The following EFCAB5 variants were observed in gnomAD, a reference collection of about 807,000 sequenced individuals.
EFCAB5 encodes the protein EF-hand calcium-binding domain-containing protein 5.
A neutral mutation model predicts 167.9 loss-of-function variants in EFCAB5; 131 were observed. That is an observed-to-expected ratio of 0.78 (90% CI 0.68 to 0.90). The LOEUF is 0.90. Among genes scored for constraint, EFCAB5 ranks in the 40% least tolerant of loss-of-function variants. The probability of loss-of-function intolerance (pLI) is 0.00; values close to 1 mark genes in which losing one functional copy is unlikely to be tolerated. For synonymous variants in EFCAB5, 574 were observed against 602.8 expected (o/e 0.95, Z 0.70); for missense variants, 1,663 against 1,745.2 (o/e 0.95, Z 0.84).
At chr17:30,000,666 G>A (rs2068642519) in intron 7 of EFCAB5, among the ~76,000 whole-genome samples, 2 of 152,070 alleles carry the variant, frequency 1.3e-5, no homozygotes, top group Admixed American at 1.3e-4. Flanking sequence ...CACGATTGAA[G>A]GTGAAGATTA....
At chr17:30,046,392 T>G (rs1295342734) in intron 8 of EFCAB5, among the ~76,000 whole-genome samples, 1 of 152,166 alleles carries the variant, frequency 6.6e-6, no homozygotes, top group Non-Finnish European at 1.5e-5. Context: ...TCTCACAGTA[T>G]TAGAGAGGTT....
At chr17:29,969,431 A>G in intron 4 of EFCAB5, 64 bp downstream of exon 4, 1 of 1,351,900 alleles carries the variant, frequency 7.4e-7, no homozygotes, top group Non-Finnish European at 9.9e-7. Flanking sequence ...AGTAGAAAAA[A>G]TAACATAATC....
chr17:30,018,483 C>T (rs1478080192), intron 7 of EFCAB5, among the ~76,000 whole-genome samples: 1 of 151,662 alleles, frequency 6.6e-6, no homozygotes, highest in Non-Finnish European at 1.5e-5. Context: ...ATTTCAGGAA[C>T]ATTTTCTCAT....
At position 30,024,721 on chromosome 17, in the gene EFCAB5, G is replaced by A. The variant is rs1457632498; in HGVS notation, c.1045-9509G>A. On this transcript the variant is annotated intron_variant, in intron 7 of 22. Transcript: ENST00000394835. ...ATGGAACCAAAAAAGAGCCCGCATC[G>A]CCAAGTCAATCCTAAGCCAAAAGAA... 7.9e-5 allele frequency among the ~76,000 whole-genome samples: 12 copies of A among 151,792 alleles called. No homozygotes were observed. In the East Asian group the frequency reaches 1.4e-3, roughly 17 times the overall value.
intron 6 of EFCAB5, among the ~76,000 whole-genome samples, chr17:29,999,308 G>GTA (rs141152481): frequency 0.035 from 5,361 of 151,722 alleles, 134 homozygotes; most frequent in Middle Eastern, 0.068. Context: ...AGGTACATGT[G>GTA]TATATATATA....
intron 12 of EFCAB5, 53 bp from the exon 13 acceptor site, chr17:30,057,623 C>G (rs2070307802): frequency 6.6e-7 from 1 of 1,505,068 alleles, no homozygotes; most frequent in African/African-American, 1.4e-5. Context: ...TTTATTTTCC[C>G]TAACTGAAAA....
chr17:30,035,858 A>G (rs2069600523), intron 8 of EFCAB5, among the ~76,000 whole-genome samples: 2 of 151,890 alleles, frequency 1.3e-5, no homozygotes, highest in Non-Finnish European at 2.9e-5. Context: ...AAGTATCTTT[A>G]ACTTAGTCAA....
At chr17:29,977,124 G>T (rs994703937) in intron 4 of EFCAB5, among the ~76,000 whole-genome samples, 1 of 151,964 alleles carries the variant, frequency 6.6e-6, no homozygotes, top group Non-Finnish European at 1.5e-5. Flanking sequence ...TTTGTAAAAA[G>T]TATCTTTTCC....
intron 2 of EFCAB5, among the ~76,000 whole-genome samples, chr17:29,943,282 A>G (rs2067329697): frequency 6.6e-6 from 1 of 152,184 alleles, no homozygotes; most frequent in South Asian, 2.1e-4. Context: ...ATAATTCAAG[A>G]ATTAATGTAC....
upstream of EFCAB5, among the ~76,000 whole-genome samples, chr17:29,937,195 A>C (rs1283927873): frequency 2.7e-5 from 4 of 150,844 alleles, no homozygotes; most frequent in Admixed American, 6.6e-5. Flanking sequence ...CTGCTTCTTT[A>C]TTTATTTATT....
At chr17:29,945,325 T>TC (rs2067376860) in intron 3 of EFCAB5, among the ~76,000 whole-genome samples, 1 of 151,766 alleles carries the variant, frequency 6.6e-6, no homozygotes. Flanking sequence ...TTTTTTTTTT[T>TC]CCCCAAAGTG....
chr17:29,936,600 G>C (rs1291605617), intron 1 of EFCAB5, among the ~76,000 whole-genome samples: 2 of 152,114 alleles, frequency 1.3e-5, no homozygotes, highest in Non-Finnish European at 2.9e-5. Flanking sequence ...TGATTTTCAG[G>C]GTCTCAGCTT....
chr17:30,099,151 T>C (rs2071346123), intron 22 of EFCAB5, among the ~76,000 whole-genome samples: 1 of 152,262 alleles, frequency 6.6e-6, no homozygotes, highest in African/African-American at 2.4e-5. Flanking sequence ...TTCAGCTCTC[T>C]TGTATACATA....
At position 30,082,987 on chromosome 17, in the gene EFCAB5, G is replaced by A. The variant is rs777618059; in HGVS notation, c.3523G>A (p.Val1175Ile). The A allele has an allele frequency of 8.1e-6, 13 of 1,613,856 alleles. No individual in the cohort carries two copies. Among genetic ancestry groups the A allele is most frequent in the East Asian group, 4.5e-5 (2 of 44,896 alleles). Reference protein sequence around the residue: ...VITGIGWLYDVTSSITSITTY... With the variant: ...VITGIGWLYDITSSITSITTY... ...CACTGGCATAGGCTGGCTTTATGAC[G>A]TCACATCCAGCATCACCTCCATCAC... Residue 1175 changes from valine (V) to isoleucine (I), a missense_variant, in exon 18 of 23, where the codon GTC becomes ATC. Physicochemically the swap from Val to Ile is conservative, Grantham distance 29 (BLOSUM62 3). Transcript: ENST00000394835.
At chr17:29,967,960 G>T (rs1225859355) in intron 3 of EFCAB5, among the ~76,000 whole-genome samples, 1 of 145,498 alleles carries the variant, frequency 6.9e-6, no homozygotes, top group Non-Finnish European at 1.5e-5. Context: ...CTGCAGCCTC[G>T]ACCTCCAGGG....
intron 7 of EFCAB5, among the ~76,000 whole-genome samples, chr17:30,018,112 C>CT (rs1048722200): frequency 6.0e-5 from 9 of 150,596 alleles, no homozygotes; most frequent in African/African-American, 9.7e-5. Context: ...AATTGGGTCA[C>CT]TTTTTTTTTC....
chr17:29,996,320 T>C lies in EFCAB5; in HGVS notation c.933T>C (p.Asn311=). 6.4e-7 allele frequency: 1 copy of C among 1,550,754 alleles called. No homozygotes were observed. The highest frequency in any genetic ancestry group is 8.7e-7 in the Non-Finnish European group (1 of 1,146,730). ...CCTCTTTTGAGTTGCAGATTCAGAA[T>C]GTTCTTCAAGAATTCTTTCAAAATC... ...KGMIPKSVIQ[N]VLQEFFQNPD... is the part of the protein sequence containing the mutation. The change falls in exon 6 of 23, where the codon AAT becomes AAC. Residue 311 remains asparagine (N), a synonymous_variant. Transcript: ENST00000394835.
intron 3 of EFCAB5, among the ~76,000 whole-genome samples, chr17:29,944,208 T>C (rs1227780944): frequency 2.0e-5 from 3 of 152,072 alleles, no homozygotes; most frequent in Non-Finnish European, 4.4e-5. Flanking sequence ...CCAGAGTTGC[T>C]GGGACTATGG....
At chr17:30,099,460 G>A (rs2071351410) in intron 22 of EFCAB5, among the ~76,000 whole-genome samples, 1 of 151,902 alleles carries the variant, frequency 6.6e-6, no homozygotes, top group African/African-American at 2.4e-5. Flanking sequence ...TTGCTGTTAA[G>A]AAGTCTGAAG....
Sources: allele counts gnomAD v4.1 joint callset (sites outside exome capture counted in the v4.1 genomes callset), GRCh38; gene constraint gnomAD v4.1.1; transcripts MANE v1.5; gene names NCBI Gene and HGNC (gene_info 2026-07-23, HGNC 2026-07-21).